ANO6: variants seen among roughly 807,000 people sequenced by gnomAD.
The protein encoded by ANO6 is anoctamin 6.
Under a neutral mutation model 117.5 loss-of-function variants are expected in ANO6, and 106 were observed. The ratio of observed to expected loss-of-function variants is 0.90; its 90% confidence interval spans 0.77 to 1.06. ANO6 has a LOEUF of 1.06. Among genes scored for constraint, ANO6 ranks in the 50% least tolerant of loss-of-function variants. The probability of loss-of-function intolerance (pLI) is 0.00; values close to 1 mark genes in which losing one functional copy is unlikely to be tolerated. For missense variants in ANO6, 955 were observed against 1,121.1 expected, an observed-to-expected ratio of 0.85 and a Z score of 2.12; for synonymous variants, 367 against 385.1, an observed-to-expected ratio of 0.95 and a Z score of 0.55.
chr12:45,336,729 A>G (rs142160621), intron 3 of ANO6, among the ~76,000 whole-genome samples: 1,898 of 152,212 alleles, frequency 0.012, 12 homozygotes, highest in Middle Eastern at 0.034. Context: ...ACTATACTAT[A>G]ATATATTTTA....
intron 12 of ANO6, among the ~76,000 whole-genome samples, chr12:45,400,972 T>C (rs887048321): frequency 4.6e-5 from 7 of 152,232 alleles, no homozygotes; most frequent in African/African-American, 1.4e-4. Context: ...GCGCCTTTAA[T>C]GTGCGTCGTT....
chr12:45,247,107 G>A (rs1303212875), intron 1 of ANO6, among the ~76,000 whole-genome samples: 1 of 152,082 alleles, frequency 6.6e-6, no homozygotes, highest in Non-Finnish European at 1.5e-5. Context: ...TGTGTTTTTA[G>A]TAGAGATGGG....
chr12:45,281,000 A>G (rs1938712302), intron 1 of ANO6, among the ~76,000 whole-genome samples: 1 of 151,982 alleles, frequency 6.6e-6, no homozygotes, highest in South Asian at 2.1e-4. Context: ...GCCTTCACCT[A>G]TGCCTCTCTC....
chr12:45,353,155 CTT>C (rs1350192396), intron 7 of ANO6, among the ~76,000 whole-genome samples: 1 of 152,038 alleles, frequency 6.6e-6, no homozygotes, highest in Non-Finnish European at 1.5e-5. Context: ...TCAGTTGTCT[CTT>C]TTGTTATGAT....
chr12:45,339,628 A>C (rs753100607), intron 3 of ANO6, among the ~76,000 whole-genome samples: 1 of 152,128 alleles, frequency 6.6e-6, no homozygotes, highest in African/African-American at 2.4e-5. Context: ...TAAATTCCTC[A>C]TCAGATCAGT....
intron 19 of ANO6, among the ~76,000 whole-genome samples, chr12:45,426,551 A>T (rs976181496): frequency 1.3e-5 from 2 of 152,200 alleles, no homozygotes; most frequent in East Asian, 3.9e-4. Context: ...AGCAGCAGCC[A>T]CCACTTCCCC....
At chr12:45,337,233 C>T (rs942870265) in intron 3 of ANO6, among the ~76,000 whole-genome samples, 1 of 152,032 alleles carries the variant, frequency 6.6e-6, no homozygotes, top group Non-Finnish European at 1.5e-5. Flanking sequence ...CCTGCAAGCT[C>T]CATTCATGAT....
chr12:45,387,232 A>C (rs769195300), intron 10 of ANO6, among the ~76,000 whole-genome samples: 4 of 152,232 alleles, frequency 2.6e-5, no homozygotes, highest in Admixed American at 1.3e-4. Flanking sequence ...TTTTTCAATT[A>C]ACATTTAATG....
intron 2 of ANO6, among the ~76,000 whole-genome samples, chr12:45,311,224 C>T (rs2137332130): frequency 6.6e-6 from 1 of 152,092 alleles, no homozygotes; most frequent in Non-Finnish European, 1.5e-5. Flanking sequence ...AGACAAAAAT[C>T]AATATGAATT....
intron 16 of ANO6, among the ~76,000 whole-genome samples, chr12:45,415,771 C>G (rs1374440455): frequency 6.6e-6 from 1 of 152,208 alleles, no homozygotes; most frequent in East Asian, 1.9e-4. Flanking sequence ...CCCTCCACAG[C>G]CTTGCCCTTC....
chr12:45,344,312 CA>C (rs777009118), intron 3 of ANO6, among the ~76,000 whole-genome samples: 3 of 152,160 alleles, frequency 2.0e-5, no homozygotes, highest in Non-Finnish European at 4.4e-5. Context: ...TATATTCTTT[CA>C]ACAAATATGT....
In ANO6 at chr12:45,357,165, A is replaced by G. The variant is rs1437713797; in HGVS notation, c.864-125A>G. The G allele has an allele frequency of 8.5e-6, 9 of 1,061,710 alleles. No individual in the cohort carries two copies. The South Asian group carries it at 1.2e-4, about 15-fold the overall frequency. The allele number at this position is 1,061,710 out of a possible 1,614,324, so 65.8% of individuals were successfully genotyped here. On this transcript the variant is annotated intron_variant, in intron 7 of 19. Transcript: ENST00000320560. ...GGTCTGCTGTGAAAATGAATGTTTT[A>G]AGGGTGAATTGAGTCAGATTTAAGC...
At chr12:45,424,394 GATGCCATGATCT>G (rs1943448289) in intron 19 of ANO6, among the ~76,000 whole-genome samples, 2 of 124,790 alleles carry the variant, frequency 1.6e-5, no homozygotes, top group Non-Finnish European at 3.2e-5. Flanking sequence ...GCTGGAGTAT[GATGCCATGATCT>G]TAGCTCACTG....
chr12:45,225,201 A>T (rs1011176229), intron 1 of ANO6, among the ~76,000 whole-genome samples: 1 of 151,602 alleles, frequency 6.6e-6, no homozygotes, highest in African/African-American at 2.4e-5. Flanking sequence ...AAAAAAAAAA[A>T]ACTCACGATT....
intron 1 of ANO6, among the ~76,000 whole-genome samples, chr12:45,217,865 T>C (rs1477288752): frequency 1.3e-5 from 2 of 152,242 alleles, no homozygotes; most frequent in African/African-American, 2.4e-5. Flanking sequence ...TATGGTGAGC[T>C]GCACTGTTTA....
intron 12 of ANO6, among the ~76,000 whole-genome samples, chr12:45,390,995 C>G (rs183945963): frequency 7.9e-5 from 12 of 152,172 alleles, no homozygotes; most frequent in Admixed American, 4.6e-4. Context: ...GTGTCACACA[C>G]CTGTAGTCCC....
At position 45,242,172 on chromosome 12, in the gene ANO6, C is replaced by T. The variant is rs979718485; in HGVS notation, c.70+25781C>T. On this transcript the variant is annotated intron_variant, in intron 1 of 19. Coordinates refer to ENST00000320560, the MANE Select transcript of ANO6 (RefSeq NM_001025356.3). ...CTTTTGTTCAGCTATGCCGTGCCCA[C>T]GAAGGTGGAGTCTATAGAGGCAGTA... Among the ~76,000 whole-genome samples, 11 of 152,216 alleles carry T rather than the reference C, an allele frequency of 7.2e-5. No individual in the cohort carries two copies. The South Asian group carries it at 8.3e-4, about 11-fold the overall frequency.
intron 1 of ANO6, among the ~76,000 whole-genome samples, chr12:45,254,371 G>T (rs1937736568): frequency 6.6e-6 from 1 of 152,322 alleles, no homozygotes; most frequent in Non-Finnish European, 1.5e-5. Context: ...TGGGGATGTT[G>T]TGGATCATCA....
At chr12:45,439,995 G>C in exon 20 of ANO6, 2 of 1,423,042 alleles carry the variant, frequency 1.4e-6, no homozygotes, top group Non-Finnish European at 1.8e-6. Context: ...GGCCAGCATT[G>C]TTTCATGTGC....
Sources: gnomAD v4.1 joint callset for allele counts (sites outside exome capture counted in the v4.1 genomes callset) on GRCh38, gnomAD v4.1.1 for gene constraint, MANE v1.5 for transcripts, NCBI Gene and HGNC (gene_info 2026-07-23, HGNC 2026-07-21) for gene names.